ZNF736: variants seen among roughly 807,000 people sequenced by gnomAD.
ZNF736 encodes KRAB-containing zinc-finger repressor protein.
In ZNF736, 6 loss-of-function variants were observed where a neutral mutation model predicts 11.7. The observed-to-expected ratio is 0.51, with a 90% CI of 0.28 to 1.01. The LOEUF is 1.01. Among genes scored for constraint, ZNF736 ranks in the 50% least tolerant of loss-of-function variants. The probability of loss-of-function intolerance (pLI) is 0.09; values close to 1 mark genes in which losing one functional copy is unlikely to be tolerated. For missense variants in ZNF736, 444 were observed against 496.0 expected, an observed-to-expected ratio of 0.90 and a Z score of 1.00; for synonymous variants, 139 against 164.7, an observed-to-expected ratio of 0.84 and a Z score of 1.19.
chr7:64,337,153 G>A, intron 3 of ZNF736, 171 bp downstream of exon 3: 1 of 636,130 alleles, frequency 1.6e-6, no homozygotes, highest in East Asian at 2.7e-5. Context: ...TCCCATTCTT[G>A]TGAATTTTCC....
chr7:64,332,938 C>T (rs189255756), intron 1 of ZNF736, among the ~76,000 whole-genome samples: 129 of 152,240 alleles, frequency 8.5e-4, no homozygotes, highest in Admixed American at 7.9e-3. Flanking sequence ...TTCTGTTCTT[C>T]TTCAAGGTGC....
At chr7:64,323,909 A>G (rs645754) in intron 1 of ZNF736, among the ~76,000 whole-genome samples, 40,619 of 152,156 alleles carry the variant, frequency 0.27, 6,432 homozygotes, top group South Asian at 0.4. Context: ...AAAAAAGTAA[A>G]AAAATAAATA....
intron 3 of ZNF736, among the ~76,000 whole-genome samples, chr7:64,343,274 A>C (rs1789363971): frequency 6.6e-6 from 1 of 152,244 alleles, no homozygotes; most frequent in African/African-American, 2.4e-5. Context: ...GATGCAGCTG[A>C]AAGCCCTTAT....
intron 1 of ZNF736, among the ~76,000 whole-genome samples, chr7:64,330,452 C>T (rs569273673): frequency 2.0e-5 from 3 of 152,168 alleles, no homozygotes; most frequent in East Asian, 3.9e-4. Flanking sequence ...CCACCGTGCC[C>T]GGCTGGGAAG....
Position 64,350,522 on chromosome 7 carries a change from A to G in ZNF736, c.*1375A>G, listed in dbSNP as rs1789471550. The G allele has an allele frequency of 6.6e-6, 1 of 151,968 alleles. No homozygotes were observed. Among genetic ancestry groups the G allele is most frequent in the African/African-American group, 2.4e-5 (1 of 41,374 alleles). 9.4% of individuals were successfully genotyped at this position (151,968 alleles called of 1,614,324 possible). A position where few individuals can be genotyped will look rare whatever the true frequency, so the allele number is the denominator to read the frequency against. On this transcript the variant is annotated 3_prime_UTR_variant, in exon 4 of 4. Coordinates refer to ENST00000423484, the MANE Select transcript of ZNF736 (RefSeq NM_001170905.3). Reference sequence around the variant, plus strand: ...AACTCAGTGAAGTTTGTTTCTACCCATATTCTGAATTCTACTTCTGTCATC... The same window carrying G: ...AACTCAGTGAAGTTTGTTTCTACCCGTATTCTGAATTCTACTTCTGTCATC...
At position 64,348,483 on chromosome 7, in the gene ZNF736, G is replaced by A; in HGVS notation, c.620G>A (p.Gly207Asp). Reference protein sequence around the residue: ...VERCYKCEECGKAFKKFSNLT... With the variant: ...VERCYKCEECDKAFKKFSNLT... ...AGATGCTACAAATGTGAAGAATGTG[G>A]CAAAGCGTTTAAAAAGTTTTCAAAC... Residue 207 changes from glycine to aspartate, a missense_variant, in exon 4 of 4, where the codon GGC (glycine) becomes GAC (aspartate). By Grantham distance (94) the Gly-to-Asp change is moderately conservative. Transcript: ENST00000423484. 1 of 1,556,108 alleles carries A rather than the reference G, an allele frequency of 6.4e-7. No individual in the cohort carries two copies. Among genetic ancestry groups the A allele is most frequent in the Non-Finnish European group, 8.7e-7 (1 of 1,150,376 alleles).
At position 64,313,965 on chromosome 7, in the gene ZNF736, C is replaced by T; in HGVS notation, c.-186C>T. The stretch of plus-strand genomic sequence containing the variant: ...TGCGCAGCTACAGAGGAAGAGGCGG[C>T]CTCTTCAATATGGCGGGGCCTTTGT... On this transcript the variant is annotated 5_prime_UTR_variant, in exon 1 of 4. Transcript: ENST00000423484. 3 of 731,754 alleles carry T rather than the reference C, an allele frequency of 4.1e-6. No individual in the cohort carries two copies. The highest frequency in any genetic ancestry group is 1.7e-5 in the South Asian group (1 of 58,608). 45.3% of individuals were successfully genotyped at this position (731,754 alleles called of 1,614,324 possible).
At chr7:64,320,606 T>C (rs1360039618) in intron 1 of ZNF736, among the ~76,000 whole-genome samples, 1 of 152,158 alleles carries the variant, frequency 6.6e-6, no homozygotes, top group Non-Finnish European at 1.5e-5. Flanking sequence ...CATGGTAAGA[T>C]TTACATCTCC....
intron 1 of ZNF736, among the ~76,000 whole-genome samples, 159 bp from the exon 2 acceptor site, chr7:64,336,100 A>G (rs1437483829): frequency 2.6e-5 from 4 of 152,230 alleles, no homozygotes; most frequent in African/African-American, 7.2e-5. Context: ...TCTCAGAGTT[A>G]AAAATACACT....
intron 1 of ZNF736, among the ~76,000 whole-genome samples, chr7:64,315,165 C>T (rs1272604963): frequency 3.3e-5 from 5 of 152,144 alleles, no homozygotes; most frequent in African/African-American, 1.2e-4. Flanking sequence ...CAGAAGCAGA[C>T]GCTGGTGTTA....
At chr7:64,315,921 A>T (rs763627501) in intron 1 of ZNF736, among the ~76,000 whole-genome samples, 1 of 152,152 alleles carries the variant, frequency 6.6e-6, no homozygotes, top group Non-Finnish European at 1.5e-5. Flanking sequence ...TCTTTTTAAT[A>T]TATTAGTCTG....
At chr7:64,340,506 A>T (rs1789322182) in intron 3 of ZNF736, among the ~76,000 whole-genome samples, 2 of 152,202 alleles carry the variant, frequency 1.3e-5, no homozygotes, top group Non-Finnish European at 2.9e-5. Flanking sequence ...CTGCCTTTTC[A>T]AAATGACTTC....
intron 1 of ZNF736, among the ~76,000 whole-genome samples, chr7:64,329,924 G>C (rs1208320720): frequency 6.6e-6 from 1 of 152,146 alleles, no homozygotes; most frequent in African/African-American, 2.4e-5. Flanking sequence ...AATCTACTTG[G>C]TGCTCTATTC....
intron 1 of ZNF736, among the ~76,000 whole-genome samples, chr7:64,330,510 G>A (rs1789150079): frequency 2.6e-5 from 4 of 151,918 alleles, no homozygotes; most frequent in Non-Finnish European, 5.9e-5. Context: ...TCATCCAGGA[G>A]CCAAGGCCTG....
intron 1 of ZNF736, among the ~76,000 whole-genome samples, chr7:64,323,583 G>C (rs1485448936): frequency 6.6e-6 from 1 of 152,152 alleles, no homozygotes; most frequent in Non-Finnish European, 1.5e-5. Flanking sequence ...TCATGTCCTT[G>C]ACAGGGACAT....
chr7:64,325,031 C>T (rs1033253008), intron 1 of ZNF736, among the ~76,000 whole-genome samples: 1 of 152,128 alleles, frequency 6.6e-6, no homozygotes, highest in Non-Finnish European at 1.5e-5. Context: ...GCCGAAGTGC[C>T]CCATGGAAGA....
intron 3 of ZNF736, among the ~76,000 whole-genome samples, chr7:64,345,732 T>TAAAAAAAAA (rs60388880): frequency 1.2e-5 from 1 of 82,884 alleles, no homozygotes; most frequent in Admixed American, 1.4e-4. Flanking sequence ...TACTCCATCT[T>TAAAAAAAAA]AAAAAAAAAA....
chr7:64,355,247 C>CG lies in ZNF736; in HGVS notation c.*6100_*6101insG, dbSNP rs1414878869. ...GCTGACACAGGTTAAGAGTATGCAC[C>CG]ACAGGTATCGAAACCTAAAATGCCC... is the stretch of plus-strand genomic sequence containing the variant. On this transcript the variant is annotated 3_prime_UTR_variant, in exon 4 of 4. Transcript: ENST00000423484. 1 of 172,890 alleles carries CG rather than the reference C, an allele frequency of 5.8e-6. No individual in the cohort carries two copies. The highest frequency in any genetic ancestry group is 2.4e-5 in the African/African-American group (1 of 41,534). 10.7% of individuals were successfully genotyped at this position (172,890 alleles called of 1,614,324 possible). A position where few individuals can be genotyped will look rare whatever the true frequency, so the allele number is the denominator to read the frequency against.
Position 64,328,003 on chromosome 7 carries a change from T to C in ZNF736, c.4-8256T>C, listed in dbSNP as rs1276149955. ...GGAGGTAGAGAAAGAGTTATTACTT[T>C]TCATAATTACAAGTAGTTATAGACT... On this transcript the variant is annotated intron_variant, in intron 1 of 3. Transcript: ENST00000423484. 3.3e-5 allele frequency among the ~76,000 whole-genome samples: 5 copies of C among 152,190 alleles called. No individual in the cohort carries two copies. In the East Asian group the frequency reaches 9.6e-4, roughly 29 times the overall value.
Sources: allele counts gnomAD v4.1 joint callset (sites outside exome capture counted in the v4.1 genomes callset), GRCh38; gene constraint gnomAD v4.1.1; transcripts MANE v1.5; gene names NCBI Gene and HGNC (gene_info 2026-07-23, HGNC 2026-07-21).